The following VWA8 variants were observed in gnomAD, a reference collection of about 807,000 sequenced individuals.
The protein encoded by VWA8 is von Willebrand factor A domain-containing protein 8.
Under a neutral mutation model 241.5 loss-of-function variants are expected in VWA8, and 221 were observed. The ratio of observed to expected loss-of-function variants is 0.91; its 90% confidence interval spans 0.82 to 1.02. The LOEUF is 1.02. Ranked by LOEUF, VWA8 falls within the 50% of genes least tolerant of loss-of-function variation. The pLI is 0.00. For missense variants in VWA8, 2,322 were observed against 2,328.7 expected (o/e 1.00, Z 0.06); for synonymous variants, 852 against 827.1 (o/e 1.03, Z -0.52).
intron 37 of VWA8, among the ~76,000 whole-genome samples, chr13:41,650,040 T>C (rs1261420381): frequency 1.3e-5 from 2 of 152,338 alleles, no homozygotes; most frequent in African/African-American, 4.8e-5. Context: ...CTCAACAAGT[T>C]TTCTAAATTT....
At chr13:41,796,761 A>T (rs1869719500) in intron 17 of VWA8, among the ~76,000 whole-genome samples, 2 of 148,712 alleles carry the variant, frequency 1.3e-5, no homozygotes, top group Non-Finnish European at 1.5e-5. Context: ...TTTCTCTATT[A>T]TTTTCAAGTG....
chr13:41,767,792 A>G (rs1043678480), intron 20 of VWA8, among the ~76,000 whole-genome samples: 2 of 152,240 alleles, frequency 1.3e-5, no homozygotes, highest in African/African-American at 4.8e-5. Flanking sequence ...TCCCTTTGAA[A>G]TACTGTGTTG....
intron 31 of VWA8, 133 bp downstream of exon 31, chr13:41,691,741 G>A: frequency 1.3e-6 from 1 of 773,346 alleles, no homozygotes; most frequent in Non-Finnish European, 2.1e-6. Context: ...CTGCAATGTG[G>A]GCAAGTTACT....
chr13:41,784,737 C>CATATATATAT (rs772223346), intron 18 of VWA8, among the ~76,000 whole-genome samples: 1,127 of 72,268 alleles, frequency 0.016, 49 homozygotes, highest in Admixed American at 0.022. Context: ...TATACACACA[C>CATATATATAT]ATATATATAT....
chr13:41,655,626 GT>G (rs938783808), intron 37 of VWA8, among the ~76,000 whole-genome samples: 5 of 152,084 alleles, frequency 3.3e-5, no homozygotes, highest in Admixed American at 2.0e-4. Flanking sequence ...GATGGAATGA[GT>G]TTTTTTTCCT....
chr13:41,937,030 C>G (rs566054013), intron 2 of VWA8, among the ~76,000 whole-genome samples: 2 of 152,256 alleles, frequency 1.3e-5, no homozygotes, highest in Admixed American at 1.3e-4. Flanking sequence ...TACACAAACA[C>G]TTACCATTGT....
rs560879936 is a variant in VWA8 at position 41,882,568 on chromosome 13, A to G, written c.1080+819T>C. 2.3e-3 allele frequency among the ~76,000 whole-genome samples: 355 copies of G among 152,274 alleles called. 3 individuals are homozygous for G. The highest frequency in any genetic ancestry group is 7.4e-3 in the African/African-American group (308 of 41,512). ...TGCAATCCCAGCACCCCGGGAGGCCAAGGCTGGCGGATCACTCGCGGTTAG... is the reference window on the plus strand; with the variant it reads ...TGCAATCCCAGCACCCCGGGAGGCCGAGGCTGGCGGATCACTCGCGGTTAG... On this transcript the variant is annotated intron_variant, in intron 9 of 44. Coordinates refer to ENST00000379310, the MANE Select transcript of VWA8 (RefSeq NM_015058.2).
At chr13:41,599,452 CCAG>C (rs1343783023) in intron 40 of VWA8, among the ~76,000 whole-genome samples, 1 of 152,080 alleles carries the variant, frequency 6.6e-6, no homozygotes, top group Admixed American at 6.6e-5. Context: ...ATATTCTATC[CCAG>C]CAGCATCTTC....
At chr13:41,886,727 C>G in intron 7 of VWA8, 54 bp downstream of exon 7, 1 of 1,409,070 alleles carries the variant, frequency 7.1e-7, no homozygotes, top group Non-Finnish European at 9.8e-7. Flanking sequence ...AATCAATGAA[C>G]AGGCAAAACA....
At chr13:41,810,815 G>A (rs549275808) in intron 17 of VWA8, among the ~76,000 whole-genome samples, 14 of 152,072 alleles carry the variant, frequency 9.2e-5, no homozygotes, top group African/African-American at 3.4e-4. Flanking sequence ...GATAGATATG[G>A]CATTCACCCT....
chr13:41,737,360 T>C (rs1397029100), intron 21 of VWA8, among the ~76,000 whole-genome samples: 1 of 152,188 alleles, frequency 6.6e-6, no homozygotes, highest in African/African-American at 2.4e-5. Context: ...ACTAATAAAA[T>C]AGAGTGGTAC....
intron 39 of VWA8, among the ~76,000 whole-genome samples, chr13:41,608,929 C>T (rs2044569728): frequency 6.6e-6 from 1 of 152,208 alleles, no homozygotes; most frequent in South Asian, 2.1e-4. Flanking sequence ...CAGGAACCCA[C>T]TTAGCAGCAT....
At chr13:41,699,347 A>C in intron 28 of VWA8, 77 bp from the exon 29 acceptor site, 1 of 1,340,262 alleles carries the variant, frequency 7.5e-7, no homozygotes. Flanking sequence ...GTGAAAACTG[A>C]ATCATGAATA....
At chr13:41,624,626 C>T (rs962089277) in intron 37 of VWA8, among the ~76,000 whole-genome samples, 5 of 152,088 alleles carry the variant, frequency 3.3e-5, no homozygotes, top group African/African-American at 4.8e-5. Context: ...ATTCAACATC[C>T]CTTTATGTTA....
At chr13:41,855,263 C>T (rs1189366447) in intron 12 of VWA8, among the ~76,000 whole-genome samples, 1 of 148,578 alleles carries the variant, frequency 6.7e-6, no homozygotes, top group South Asian at 2.1e-4. Flanking sequence ...TGGCTGTTGG[C>T]GGCAGCAAGG....
intron 12 of VWA8, 151 bp from the exon 13 acceptor site, chr13:41,833,682 G>A (rs557708601): frequency 2.3e-5 from 23 of 1,011,984 alleles, no homozygotes; most frequent in South Asian, 3.7e-5. Context: ...TTCCTAAAAC[G>A]AAAGCTCTTC....
intron 2 of VWA8, among the ~76,000 whole-genome samples, chr13:41,923,992 A>G (rs1876698548): frequency 6.6e-6 from 1 of 152,158 alleles, no homozygotes; most frequent in Non-Finnish European, 1.5e-5. Context: ...ACAAACACAC[A>G]CAAATGAAAA....
intron 21 of VWA8, among the ~76,000 whole-genome samples, chr13:41,758,421 T>TAGA (rs2045713562): frequency 1.6e-5 from 1 of 64,308 alleles, no homozygotes; most frequent in Non-Finnish European, 3.6e-5. Flanking sequence ...TATATATATA[T>TAGA]ATATATATAC....
At chr13:41,708,349 G>A (rs563289410) in intron 26 of VWA8, among the ~76,000 whole-genome samples, 4 of 151,524 alleles carry the variant, frequency 2.6e-5, no homozygotes, top group East Asian at 3.9e-4. Context: ...AAACAAGAGC[G>A]AAATTTGGTC....
Sources: allele counts gnomAD v4.1 joint callset (sites outside exome capture counted in the v4.1 genomes callset), GRCh38; gene constraint gnomAD v4.1.1; transcripts MANE v1.5; gene names NCBI Gene and HGNC (gene_info 2026-07-23, HGNC 2026-07-21).